ABI2: variants seen among roughly 807,000 people sequenced by gnomAD.
ABI2 encodes the protein abl interactor 2, also known as abelson interactor 2.
Under a neutral mutation model 59.2 loss-of-function variants are expected in ABI2, and 25 were observed. That is an observed-to-expected ratio of 0.42 (90% CI 0.31 to 0.59). The LOEUF (loss-of-function observed/expected upper bound fraction) is 0.59, where lower values mean the gene tolerates loss of function less well. Ranked by LOEUF, ABI2 falls within the 20% of genes least tolerant of loss-of-function variation. The pLI is 0.14. For synonymous variants in ABI2, 213 were observed against 235.5 expected (o/e 0.90, Z 0.87); for missense variants, 545 against 681.8 (o/e 0.80, Z 2.23).
chr2:203,363,355 T>A (rs1218977248), intron 1 of ABI2, among the ~76,000 whole-genome samples: 1 of 152,196 alleles, frequency 6.6e-6, no homozygotes, highest in East Asian at 1.9e-4. Flanking sequence ...TTATTTTTTA[T>A]GAAATCACCC....
At chr2:203,336,831 C>T (rs779597221) in intron 1 of ABI2, among the ~76,000 whole-genome samples, 7 of 152,156 alleles carry the variant, frequency 4.6e-5, no homozygotes, top group Non-Finnish European at 1.0e-4. Context: ...GGATTATTAC[C>T]GTATGGTAAA....
At chr2:203,402,023 G>C (rs1416324697) in intron 8 of ABI2, among the ~76,000 whole-genome samples, 1 of 152,066 alleles carries the variant, frequency 6.6e-6, no homozygotes, top group East Asian at 1.9e-4. Flanking sequence ...TGAAATAATA[G>C]TGTTAAGTAG....
At chr2:203,361,887 G>A (rs1272822844) in intron 1 of ABI2, among the ~76,000 whole-genome samples, 1 of 152,196 alleles carries the variant, frequency 6.6e-6, no homozygotes, top group Admixed American at 6.5e-5. Context: ...AATTTTGAGT[G>A]ATTGTACTAT....
intron 4 of ABI2, among the ~76,000 whole-genome samples, chr2:203,384,678 G>A (rs2096384366): frequency 6.6e-6 from 1 of 151,864 alleles, no homozygotes; most frequent in African/African-American, 2.4e-5. Flanking sequence ...TGTTTGTAAT[G>A]AATTTTTCTG....
intron 1 of ABI2, among the ~76,000 whole-genome samples, chr2:203,337,945 G>T (rs575521259): frequency 6.6e-6 from 1 of 152,276 alleles, no homozygotes; most frequent in Admixed American, 6.5e-5. Flanking sequence ...TGGGAGAATC[G>T]CTTGAACCCA....
At chr2:203,395,845 A>G in intron 7 of ABI2, 65 bp downstream of exon 7, 1 of 1,469,454 alleles carries the variant, frequency 6.8e-7, no homozygotes, top group Non-Finnish European at 9.1e-7. Flanking sequence ...TTGTGATTTA[A>G]TTATGGTGGG....
chr2:203,426,163 G>A (rs1212122438), intron 11 of ABI2, among the ~76,000 whole-genome samples: 2 of 152,094 alleles, frequency 1.3e-5, no homozygotes, highest in South Asian at 2.1e-4. Context: ...AGTCCCTGTT[G>A]TAGTTTGTTT....
At chr2:203,404,197 T>A (rs1252524387) in intron 9 of ABI2, among the ~76,000 whole-genome samples, 1 of 152,210 alleles carries the variant, frequency 6.6e-6, no homozygotes, top group Non-Finnish European at 1.5e-5. Flanking sequence ...TGTCAGTCTT[T>A]TATACAGTTA....
At position 203,427,331 on chromosome 2, in the gene ABI2, T is replaced by C. The variant is rs1299148425; in HGVS notation, c.1608T>C (p.Ser536=). 2 of 1,613,920 alleles carry C rather than the reference T, an allele frequency of 1.2e-6. No homozygotes were observed. The highest frequency in any genetic ancestry group is 2.7e-5 in the African/African-American group (2 of 74,944). Reference sequence around the variant, plus strand: ...TTTTTCCTGGGAATTACGTTGAGTCTATCATGCATTATTCTGAGTAAAGCT... The same window carrying C: ...TTTTTCCTGGGAATTACGTTGAGTCCATCATGCATTATTCTGAGTAAAGCT... The part of the protein sequence containing the change: ...TGLFPGNYVE[S]IMHYSE Residue 536 remains serine, a synonymous_variant, in exon 12 of 12, where the codon TCT becomes TCC. Coordinates refer to ENST00000261018, the MANE Select transcript of ABI2 (RefSeq NM_001375670.1).
In ABI2 at chr2:203,416,967, C is replaced by G. The variant is rs1409069076; in HGVS notation, c.1339C>G (p.Pro447Ala). 1.2e-6 allele frequency: 2 copies of G among 1,613,990 alleles called. No homozygotes were observed. The highest frequency in any genetic ancestry group is 1.7e-6 in the Non-Finnish European group (2 of 1,180,012). ...AGAACCAGTCTTTGATGAGTCTCCC[C>G]CACCTCCTCCTCCTCCAGAAGATTA... ...VEEPVFDESP[P>A]PPPPPEDYEE... The change falls in exon 11 of 12, where the codon CCA becomes GCA. Residue 447 changes from proline to alanine, a missense_variant. This residue lies in a region of ABI2 where 410 missense variants were observed against 435.6 expected (regional missense o/e 0.94). Coordinates refer to ENST00000261018, the MANE Select transcript of ABI2 (RefSeq NM_001375670.1).
At chr2:203,334,190 C>T (rs533132808) in intron 1 of ABI2, among the ~76,000 whole-genome samples, 1 of 152,152 alleles carries the variant, frequency 6.6e-6, no homozygotes, top group Non-Finnish European at 1.5e-5. Context: ...ATCCACCCGC[C>T]TTGGCCTTCC....
intron 11 of ABI2, 87 bp from the exon 12 acceptor site, chr2:203,427,090 G>T: frequency 8.4e-7 from 1 of 1,186,710 alleles, no homozygotes; most frequent in East Asian, 2.4e-5. Context: ...ACAGGATTTG[G>T]GAACAGATAG....
chr2:203,355,779 C>T (rs1042971586), intron 1 of ABI2, among the ~76,000 whole-genome samples: 4 of 142,674 alleles, frequency 2.8e-5, no homozygotes, highest in Admixed American at 1.4e-4. Context: ...TGCTGTGAGC[C>T]GAGATTACGC....
intron 2 of ABI2, among the ~76,000 whole-genome samples, chr2:203,375,657 G>A (rs2095631816): frequency 6.6e-6 from 1 of 152,160 alleles, no homozygotes. Flanking sequence ...TTTTACAACT[G>A]ACAATTGTCT....
intron 9 of ABI2, among the ~76,000 whole-genome samples, chr2:203,406,328 CAT>C (rs1281109698): frequency 6.6e-6 from 1 of 152,132 alleles, no homozygotes; most frequent in African/African-American, 2.4e-5. Context: ...TTTTACTGCT[CAT>C]ATTTTCTTAA....
chr2:203,398,566 AT>A (rs796647883), intron 8 of ABI2, among the ~76,000 whole-genome samples: 21 of 152,336 alleles, frequency 1.4e-4, no homozygotes, highest in African/African-American at 5.1e-4. Flanking sequence ...GGTATAACTT[AT>A]GTACAGTAAA....
chr2:203,330,110 A>G (rs2072062612), intron 1 of ABI2, among the ~76,000 whole-genome samples: 1 of 152,202 alleles, frequency 6.6e-6, no homozygotes, highest in East Asian at 1.9e-4. Context: ...TTATAGGTTC[A>G]TAAATTTTGT....
chr2:203,408,963 C>T (rs1248626064), intron 9 of ABI2, among the ~76,000 whole-genome samples: 3 of 148,834 alleles, frequency 2.0e-5, no homozygotes, highest in South Asian at 4.5e-4. Context: ...CTCAGCCTCC[C>T]GAGTAGCTGG....
At chr2:203,338,365 T>A (rs1274099397) in intron 1 of ABI2, among the ~76,000 whole-genome samples, 1 of 152,106 alleles carries the variant, frequency 6.6e-6, no homozygotes, top group Non-Finnish European at 1.5e-5. Context: ...TGATTCCCAG[T>A]GTTGGAGGTG....
Sources: allele counts gnomAD v4.1 joint callset (sites outside exome capture counted in the v4.1 genomes callset), GRCh38; gene constraint gnomAD v4.1.1; regional missense constraint gnomAD v4.1.1; transcripts MANE v1.5; gene names NCBI Gene and HGNC (gene_info 2026-07-23, HGNC 2026-07-21).